Variants in C8orf76 observed in about 807,000 individuals in gnomAD.
C8orf76 encodes chromosome 8 open reading frame 76.
In C8orf76, 46 loss-of-function variants were observed where a neutral mutation model predicts 38.1. That is an observed-to-expected ratio of 1.21 (90% CI 0.95 to 1.54). C8orf76 has a LOEUF of 1.54. Ranked by LOEUF, C8orf76 falls within the 40% of genes most tolerant of loss-of-function variation. The pLI is 0.00. For synonymous variants in C8orf76, 166 were observed against 167.5 expected, an observed-to-expected ratio of 0.99 and a Z score of 0.07; for missense variants, 461 against 441.6, an observed-to-expected ratio of 1.04 and a Z score of -0.39.
rs146334735 is a variant in C8orf76 at position 123,231,470 on chromosome 8, A to G, written c.645T>C (p.Cys215=). 6.2e-7 allele frequency: 1 copy of G among 1,614,226 alleles called. No homozygotes were observed. The highest frequency in any genetic ancestry group is 8.5e-7 in the Non-Finnish European group (1 of 1,180,032). Residue 215 remains cysteine, a synonymous_variant, in exon 4 of 6, where the codon TGT becomes TGC. Coordinates refer to ENST00000276704, the MANE Select transcript of C8orf76 (RefSeq NM_032847.3). ...FPHSGKDCLL[C]FPETLPESSL... is the part of the protein sequence containing the mutation. ...AGCTCTCAGGCAAGGTTTCAGGAAA[A>G]CACAAAAGACAGTCTTTTCCTGAGT...
intron 3 of C8orf76, among the ~76,000 whole-genome samples, chr8:123,232,669 C>A (rs994274022): frequency 3.3e-5 from 5 of 152,220 alleles, no homozygotes; most frequent in Non-Finnish European, 7.3e-5. Context: ...GGCCTGCGGG[C>A]AGCTCTAAAT....
intron 4 of C8orf76, among the ~76,000 whole-genome samples, chr8:123,228,188 C>T (rs1464211980): frequency 6.6e-6 from 1 of 152,178 alleles, no homozygotes; most frequent in Non-Finnish European, 1.5e-5. Flanking sequence ...TTCTATCGTG[C>T]AGTGACATCC....
chr8:123,231,972 C>G (rs1270379286), intron 3 of C8orf76, among the ~76,000 whole-genome samples: 4 of 152,160 alleles, frequency 2.6e-5, no homozygotes, highest in Non-Finnish European at 5.9e-5. Flanking sequence ...CCAGCCATTC[C>G]CAAACATCCT....
chr8:123,231,443 A>G lies in C8orf76; in HGVS notation c.672T>C (p.Ser224=), dbSNP rs199703332. The G allele has an allele frequency of 5.6e-6, 9 of 1,614,142 alleles. No individual in the cohort carries two copies. In the Admixed American group the frequency reaches 6.7e-5, roughly 12 times the overall value. ...TGCTATTCGCTTCCACAGAAAATAA[A>G]GAGCTCTCAGGCAAGGTTTCAGGAA... ...LCFPETLPES[S]LFSVEANSSN... Residue 224 remains serine (S), a synonymous_variant, in exon 4 of 6, where the codon TCT becomes TCC. Transcript: ENST00000276704.
At chr8:123,223,529 A>G (rs1198618124) in intron 5 of C8orf76, among the ~76,000 whole-genome samples, 1 of 152,106 alleles carries the variant, frequency 6.6e-6, no homozygotes, top group Non-Finnish European at 1.5e-5. Flanking sequence ...AATTGCTTGA[A>G]CCTGGAAGGC....
chr8:123,231,591 A>C lies in C8orf76; in HGVS notation c.524T>G (p.Leu175Arg). The change falls in exon 4 of 6, where the codon CTG becomes CGG. Residue 175 changes from leucine (L) to arginine (R), a missense_variant. Physicochemically the swap from Leu to Arg is moderately radical, Grantham distance 102. Coordinates refer to ENST00000276704, the MANE Select transcript of C8orf76 (RefSeq NM_032847.3). ...WNWGKLAEAY[L>R]NLGPALSAAL... ...TGCTGAAAGAGCTGGCCCCAGATTCAGGTAAGCCTCTGCCAATTTGCCCCA... is the reference window on the plus strand; with the variant it reads ...TGCTGAAAGAGCTGGCCCCAGATTCCGGTAAGCCTCTGCCAATTTGCCCCA... 1 of 1,614,238 alleles carries C rather than the reference A, an allele frequency of 6.2e-7. No individual in the cohort carries two copies. Among genetic ancestry groups the C allele is most frequent in the Non-Finnish European group, 8.5e-7 (1 of 1,180,044 alleles).
intron 4 of C8orf76, among the ~76,000 whole-genome samples, chr8:123,230,512 G>C (rs183658688): frequency 3.3e-5 from 5 of 152,258 alleles, no homozygotes; most frequent in African/African-American, 9.6e-5. Context: ...GTTTCTGAGA[G>C]TTTCATTCTG....
rs1255353726 is a variant in C8orf76 at position 123,226,723 on chromosome 8, T to C, written c.816-91A>G. ...CGAGGAAATGTTCAGAAAGCCCAGG[T>C]ATTGAGTCGGCTGCAAGTCCCACCA... On this transcript the variant is annotated intron_variant, in intron 4 of 5. Transcript: ENST00000276704. 4 of 1,484,760 alleles carry C rather than the reference T, an allele frequency of 2.7e-6. No individual in the cohort carries two copies. In the African/African-American group the frequency reaches 5.7e-5, roughly 21 times the overall value. 92.0% of individuals were successfully genotyped at this position (1,484,760 alleles called of 1,614,324 possible).
At position 123,226,718 on chromosome 8, in the gene C8orf76, C is replaced by T. The variant is rs964465858; in HGVS notation, c.816-86G>A. The T allele has an allele frequency of 8.7e-6, 13 of 1,493,426 alleles. No homozygotes were observed. In the African/African-American group the frequency reaches 1.6e-4, roughly 18 times the overall value. 92.5% of individuals were successfully genotyped at this position (1,493,426 alleles called of 1,614,324 possible). ...AGCCGCGAGGAAATGTTCAGAAAGC[C>T]CAGGTATTGAGTCGGCTGCAAGTCC... On this transcript the variant is annotated intron_variant, in intron 4 of 5. Transcript: ENST00000276704.
chr8:123,237,063 T>C lies in C8orf76; in HGVS notation c.357+735A>G, dbSNP rs1298489431. The C allele has an allele frequency of 4.1e-5, 51 of 1,230,976 alleles. No homozygotes were observed. In the Admixed American group the frequency reaches 8.6e-4, roughly 21 times the overall value. 76.3% of individuals were successfully genotyped at this position (1,230,976 alleles called of 1,614,324 possible). Reference sequence around the variant, plus strand: ...CTGGTGCTGCGCCTGCGAGGTGGCATTACTGAGCCTTCCCTCCGCCAGCTC... The same window carrying C: ...CTGGTGCTGCGCCTGCGAGGTGGCACTACTGAGCCTTCCCTCCGCCAGCTC... On this transcript the variant is annotated intron_variant, in intron 3 of 5. Coordinates refer to ENST00000276704, the MANE Select transcript of C8orf76 (RefSeq NM_032847.3).
chr8:123,229,138 C>T (rs1404360318), intron 4 of C8orf76, among the ~76,000 whole-genome samples: 3 of 152,254 alleles, frequency 2.0e-5, no homozygotes, highest in Admixed American at 6.5e-5. Flanking sequence ...TGTTCTAGAA[C>T]GGATCCTCTG....
In C8orf76 at chr8:123,226,484, C is replaced by G. The variant is rs748701593; in HGVS notation, c.948+16G>C. On this transcript the variant is annotated intron_variant, in intron 5 of 5. Transcript: ENST00000276704. ...TATGATGCTTCGTTTCACATAAACC[C>G]GAGGGATACACTCACCTCAGCTATC... is the stretch of plus-strand genomic sequence containing the variant. The G allele has an allele frequency of 6.2e-7, 1 of 1,607,536 alleles. No individual in the cohort carries two copies. Among genetic ancestry groups the G allele is most frequent in the South Asian group, 1.1e-5 (1 of 89,324 alleles).
intron 3 of C8orf76, among the ~76,000 whole-genome samples, chr8:123,234,138 G>A (rs1447004412): frequency 6.6e-6 from 1 of 151,932 alleles, no homozygotes; most frequent in African/African-American, 2.4e-5. Context: ...GAGTGTTTAC[G>A]CAGTGCCAGG....
At chr8:123,224,309 A>T (rs1023896321) in intron 5 of C8orf76, among the ~76,000 whole-genome samples, 2 of 152,192 alleles carry the variant, frequency 1.3e-5, no homozygotes, top group Non-Finnish European at 2.9e-5. Context: ...AAGTCAACTA[A>T]AATTAAAAGC....
chr8:123,222,707 G>T (rs980222888), intron 5 of C8orf76, among the ~76,000 whole-genome samples: 4 of 152,064 alleles, frequency 2.6e-5, no homozygotes, highest in African/African-American at 9.7e-5. Flanking sequence ...TGAAAAAATT[G>T]TTCATCTTAA....
intron 4 of C8orf76, among the ~76,000 whole-genome samples, chr8:123,230,366 C>T (rs947652827): frequency 2.0e-5 from 3 of 152,214 alleles, no homozygotes; most frequent in East Asian, 1.9e-4. Context: ...GTGGAATATA[C>T]GAACAGAAAA....
intron 5 of C8orf76, among the ~76,000 whole-genome samples, chr8:123,224,496 T>C (rs1450398706): frequency 6.6e-6 from 1 of 152,072 alleles, no homozygotes; most frequent in African/African-American, 2.4e-5. Flanking sequence ...CCTGTAATCC[T>C]ACGAACTTGG....
In C8orf76 at chr8:123,237,866, C is replaced by T. The variant is rs1387891754; in HGVS notation, c.289G>A (p.Glu97Lys). 6.2e-7 allele frequency: 1 copy of T among 1,614,146 alleles called. No individual in the cohort carries two copies. ...TGAGCCAGACACCGAGCCTGACCTTCCTGGACATCCCTTTTCATGGCAAAA... is the reference window on the plus strand; with the variant it reads ...TGAGCCAGACACCGAGCCTGACCTTTCTGGACATCCCTTTTCATGGCAAAA... ...TNFAMKRDVQ[E>K]GQARCLAHLG... Residue 97 changes from glutamate to lysine, a missense_variant, in exon 3 of 6, where the codon GAA becomes AAA. Transcript: ENST00000276704.
intron 5 of C8orf76, among the ~76,000 whole-genome samples, chr8:123,225,721 G>A (rs1586800429): frequency 6.6e-6 from 1 of 152,132 alleles, no homozygotes; most frequent in Non-Finnish European, 1.5e-5. Context: ...GAGGCCAGGA[G>A]TTCAAGACAG....
Sources: allele counts gnomAD v4.1 joint callset (sites outside exome capture counted in the v4.1 genomes callset), GRCh38; gene constraint gnomAD v4.1.1; transcripts MANE v1.5; gene names NCBI Gene and HGNC (gene_info 2026-07-23, HGNC 2026-07-21).